Variants in ADGRV1 observed in about 807,000 individuals in gnomAD.
ADGRV1 encodes G-protein coupled receptor 98.
A neutral mutation model predicts 596.2 loss-of-function variants in ADGRV1; 359 were observed. The observed-to-expected ratio is 0.60, with a 90% CI of 0.55 to 0.66. The LOEUF is 0.66. Among genes scored for constraint, ADGRV1 ranks in the 30% least tolerant of loss-of-function variants. ADGRV1 has a pLI of 0.00. For missense variants in ADGRV1, 7,274 were observed against 7,575.6 expected (o/e 0.96, Z 1.48); for synonymous variants, 2,681 against 2,679.2 (o/e 1.00, Z -0.02).
chr5:90,956,161 A>G (rs1362689335), intron 83 of ADGRV1, among the ~76,000 whole-genome samples: 1 of 152,180 alleles, frequency 6.6e-6, no homozygotes, highest in East Asian at 1.9e-4. Flanking sequence ...TTTTCAATTG[A>G]TAACTTATGA....
At chr5:90,813,492 T>G (rs1032429113) in intron 74 of ADGRV1, among the ~76,000 whole-genome samples, 8 of 152,184 alleles carry the variant, frequency 5.3e-5, no homozygotes, top group Non-Finnish European at 8.8e-5. Context: ...TACCCCTTCA[T>G]CAGCTCTGAG....
rs745645525 is a variant in ADGRV1, at chr5:90,848,805, G to A, written c.17188G>A (p.Gly5730Ser). 1.8e-5 allele frequency: 29 copies of A among 1,580,526 alleles called. No individual in the cohort carries two copies. The highest frequency in any genetic ancestry group is 3.8e-5 in the Admixed American group (2 of 52,794). Residue 5730 changes from glycine (G) to serine (S), a missense_variant, in exon 79 of 90, where the codon GGC becomes AGC. By Grantham distance (56) the Gly-to-Ser change is moderately conservative. Transcript: ENST00000405460. ...TTCTCTGCTGACTAATGTTACTTGC[G>A]GCTCTCCTGGTGAAAAGTAAGTATC... is the stretch of plus-strand genomic sequence containing the variant. ...AFSLLTNVTC[G>S]SPGEKSKTIL... is the part of the protein sequence containing the mutation.
intron 9 of ADGRV1, among the ~76,000 whole-genome samples, chr5:90,630,857 A>G (rs1046314456): frequency 1.3e-5 from 2 of 152,090 alleles, no homozygotes; most frequent in Non-Finnish European, 2.9e-5. Flanking sequence ...TGTGTGTTGA[A>G]TGTTGAGTTT....
intron 83 of ADGRV1, among the ~76,000 whole-genome samples, chr5:90,878,318 G>A (rs1769411183): frequency 6.6e-6 from 1 of 152,190 alleles, no homozygotes. Context: ...TGGCTGCCAA[G>A]TTATGTCTAA....
chr5:91,123,066 C>T (rs1201060725), intron 87 of ADGRV1, among the ~76,000 whole-genome samples: 1 of 152,194 alleles, frequency 6.6e-6, no homozygotes, highest in East Asian at 1.9e-4. Context: ...CAAATCCTGG[C>T]TCTGCTACTT....
At chr5:90,799,166 A>G (rs1376511691) in intron 70 of ADGRV1, among the ~76,000 whole-genome samples, 2 of 152,238 alleles carry the variant, frequency 1.3e-5, no homozygotes, top group Non-Finnish European at 2.9e-5. Flanking sequence ...ATGATTGTAT[A>G]TTTAGAAAAC....
intron 83 of ADGRV1, among the ~76,000 whole-genome samples, chr5:90,905,739 T>C (rs1472627819): frequency 3.9e-5 from 6 of 152,120 alleles, no homozygotes; most frequent in Non-Finnish European, 8.8e-5. Context: ...CCTTGTCTGA[T>C]TGCTCTAGCT....
At chr5:90,955,261 C>G (rs1344971502) in intron 83 of ADGRV1, among the ~76,000 whole-genome samples, 1 of 152,142 alleles carries the variant, frequency 6.6e-6, no homozygotes, top group African/African-American at 2.4e-5. Flanking sequence ...CTGACTCAGA[C>G]ACATTTCTTC....
intron 85 of ADGRV1, among the ~76,000 whole-genome samples, chr5:90,991,371 A>G (rs1042914002): frequency 1.3e-5 from 2 of 152,258 alleles, no homozygotes; most frequent in Non-Finnish European, 2.9e-5. Flanking sequence ...GCCTAAGCTT[A>G]GAATTTGATT....
intron 64 of ADGRV1, chr5:90,781,004 G>A (rs1758776564): frequency 1.8e-5 from 3 of 169,820 alleles, no homozygotes; most frequent in South Asian, 3.0e-4. Context: ...CTATTTCTTT[G>A]AATAAATCAT....
Position 90,810,987 on chromosome 5 carries a change from GTTC to G in ADGRV1, c.15730_15732del (p.Leu5244del), listed in dbSNP as rs763069660. On this transcript the variant is annotated inframe_deletion, in exon 74 of 90. Transcript: ENST00000405460. ...GAATGGCACATTCAACACTGCAGAAGTTCTTATCCGAAGAACTGGTGGGTTTAC... is the reference window on the plus strand; with the variant it reads ...GAATGGCACATTCAACACTGCAGAAGTTATCCGAAGAACTGGTGGGTTTAC... 6 of 1,614,004 alleles carry G rather than the reference GTTC, an allele frequency of 3.7e-6. No homozygotes were observed. Among genetic ancestry groups the G allele is most frequent in the Non-Finnish European group, 4.2e-6 (5 of 1,179,904 alleles).
At chr5:90,711,085 C>G in intron 40 of ADGRV1, 26 bp downstream of exon 40, 1 of 1,583,362 alleles carries the variant, frequency 6.3e-7, no homozygotes, top group Non-Finnish European at 8.6e-7. Context: ...CATGAGAGCC[C>G]TCTTCTGGGT....
intron 5 of ADGRV1, among the ~76,000 whole-genome samples, chr5:90,624,168 A>C (rs1764446253): frequency 6.6e-6 from 1 of 152,204 alleles, no homozygotes; most frequent in South Asian, 2.1e-4. Context: ...AGAACATAGA[A>C]TAGCAGAAGA....
chr5:91,075,740 A>G (rs1581979239), intron 86 of ADGRV1, among the ~76,000 whole-genome samples: 1 of 152,040 alleles, frequency 6.6e-6, no homozygotes, highest in African/African-American at 2.4e-5. Context: ...AGATGTCTAC[A>G]TTTTAAAAAT....
rs527266895 is a variant in ADGRV1, at chr5:91,150,251, CTCTCTG to C, written c.18624+42_18624+47del. The C allele has an allele frequency of 4.1e-4, 589 of 1,450,086 alleles. 2 individuals are homozygous for C. In the East Asian group the frequency reaches 0.014, roughly 34 times the overall value. The allele number at this position is 1,450,086 out of a possible 1,614,324, so 89.8% of individuals were successfully genotyped here. The stretch of plus-strand genomic sequence containing the variant: ...CTGCCCTTGCCCTTTCATTCTCTGT[CTCTCTG>C]TCTCTGTCTCTCTCTCTCTCTCTGT... On this transcript the variant is annotated intron_variant, in intron 88 of 89. Coordinates refer to ENST00000405460, the MANE Select transcript of ADGRV1 (RefSeq NM_032119.4).
Position 90,694,158 on chromosome 5 carries a change from T to C in ADGRV1, c.7402T>C (p.Ser2468Pro), listed in dbSNP as rs573637683. ...GGGTCCCCAGTGTTTCTGGATGACA[T>C]CATGGATCAGCCCAGCTGTCAACAA... Reference protein sequence around the residue: ...SEGPQCFWMTSWISPAVNNSD... With the variant: ...SEGPQCFWMTPWISPAVNNSD... The change falls in exon 33 of 90, where the codon TCA (serine) becomes CCA (proline). Residue 2468 changes from serine (S) to proline (P), a missense_variant. Ser to Pro is a moderately conservative substitution (Grantham distance 74). Transcript: ENST00000405460. 2 of 1,613,852 alleles carry C rather than the reference T, an allele frequency of 1.2e-6. No individual in the cohort carries two copies. The highest frequency in any genetic ancestry group is 1.7e-6 in the Non-Finnish European group (2 of 1,179,846).
chr5:90,632,214 G>A (rs1304276297), intron 9 of ADGRV1, among the ~76,000 whole-genome samples: 1 of 152,064 alleles, frequency 6.6e-6, no homozygotes, highest in Non-Finnish European at 1.5e-5. Flanking sequence ...ACTCATGCAA[G>A]AACCAGATTA....
chr5:90,791,580 T>A, intron 70 of ADGRV1: 1 of 498,000 alleles, frequency 2.0e-6, no homozygotes, highest in Non-Finnish European at 3.6e-6. Flanking sequence ...GACACTTATT[T>A]AATACTTACA....
chr5:91,148,795 T>A (rs1795771103), intron 87 of ADGRV1, among the ~76,000 whole-genome samples: 1 of 151,686 alleles, frequency 6.6e-6, no homozygotes, highest in African/African-American at 2.4e-5. Context: ...TGAAAGCAGC[T>A]GGGAGGGGGT....
Sources: allele counts gnomAD v4.1 joint callset (sites outside exome capture counted in the v4.1 genomes callset), GRCh38; gene constraint gnomAD v4.1.1; transcripts MANE v1.5; gene names NCBI Gene and HGNC (gene_info 2026-07-23, HGNC 2026-07-21).